Variants in WNK2 observed in about 807,000 individuals in gnomAD.
WNK2 encodes WNK lysine deficient protein kinase 2, also known as serine/threonine-protein kinase WNK2.
A neutral mutation model predicts 192.1 loss-of-function variants in WNK2; 67 were observed. The observed-to-expected ratio is 0.35, with a 90% confidence interval of 0.29 to 0.43. WNK2 has a LOEUF of 0.43. Ranked by LOEUF, WNK2 falls within the 20% of genes least tolerant of loss-of-function variation. The pLI, the probability that WNK2 is intolerant of heterozygous loss-of-function variation, is 1.00. For synonymous variants in WNK2, 1,439 were observed against 1,393.9 expected, an observed-to-expected ratio of 1.03 and a Z score of -0.72; for missense variants, 2,698 against 3,089.7, an observed-to-expected ratio of 0.87 and a Z score of 3.01.
intron 2 of WNK2, among the ~76,000 whole-genome samples, chr9:93,192,495 G>A (rs978919311): frequency 2.0e-5 from 3 of 151,966 alleles, no homozygotes; most frequent in Non-Finnish European, 4.4e-5. Flanking sequence ...GGTGGTCCTC[G>A]GGTGGAGTGG....
At chr9:93,194,957 G>C (rs1830973463) in intron 2 of WNK2, among the ~76,000 whole-genome samples, 1 of 151,890 alleles carries the variant, frequency 6.6e-6, no homozygotes, top group African/African-American at 2.4e-5. Context: ...AATCTGAGAA[G>C]GCTGCATATT....
chr9:93,276,384 T>C (rs1369904336), intron 19 of WNK2, among the ~76,000 whole-genome samples: 1 of 152,224 alleles, frequency 6.6e-6, no homozygotes, highest in Non-Finnish European at 1.5e-5. Context: ...GTCATCCTTA[T>C]GCAGAAAAAT....
intron 2 of WNK2, among the ~76,000 whole-genome samples, chr9:93,211,425 C>G (rs1369689087): frequency 6.7e-6 from 1 of 149,472 alleles, no homozygotes; most frequent in African/African-American, 2.5e-5. Flanking sequence ...ACCACTCATT[C>G]ACTCACCCAC....
intron 26 of WNK2, among the ~76,000 whole-genome samples, chr9:93,305,785 A>C (rs1040273302): frequency 2.0e-5 from 3 of 152,108 alleles, no homozygotes; most frequent in African/African-American, 7.2e-5. Flanking sequence ...TCCCGGGAAC[A>C]GCGCTGAGGA....
At chr9:93,269,681 C>T (rs548252598) in intron 19 of WNK2, among the ~76,000 whole-genome samples, 1 of 152,298 alleles carries the variant, frequency 6.6e-6, no homozygotes, top group Admixed American at 6.5e-5. Context: ...GAAAAACCCT[C>T]CTAAGAGCTA....
chr9:93,312,774 G>A (rs1406784988), intron 28 of WNK2, among the ~76,000 whole-genome samples: 2 of 152,120 alleles, frequency 1.3e-5, no homozygotes, highest in Non-Finnish European at 2.9e-5. Context: ...GCCCCCTTGT[G>A]GAGAGTCACT....
intron 8 of WNK2, among the ~76,000 whole-genome samples, chr9:93,252,559 T>C (rs1842734257): frequency 6.6e-6 from 1 of 152,222 alleles, no homozygotes; most frequent in Non-Finnish European, 1.5e-5. Flanking sequence ...CCAAGTCCCT[T>C]GTGCCTTTAA....
intron 2 of WNK2, among the ~76,000 whole-genome samples, chr9:93,211,765 G>A (rs115530465): frequency 0.017 from 2,529 of 148,094 alleles, 61 homozygotes; most frequent in African/African-American, 0.06. Context: ...TCACTCACTC[G>A]TCCACTTACT....
chr9:93,254,255 G>A (rs1296712324), intron 9 of WNK2, among the ~76,000 whole-genome samples: 1 of 152,204 alleles, frequency 6.6e-6, no homozygotes, highest in Admixed American at 6.5e-5. Flanking sequence ...CACCTACTGT[G>A]TGAGCCAGGA....
chr9:93,291,379 G>T (rs1430139289), intron 21 of WNK2, among the ~76,000 whole-genome samples: 1 of 152,164 alleles, frequency 6.6e-6, no homozygotes, highest in Non-Finnish European at 1.5e-5. Flanking sequence ...CATGGGGGAA[G>T]CTCCAAGGAG....
chr9:93,298,975 T>C (rs1344225252), intron 24 of WNK2, 95 bp from the exon 25 acceptor site: 7 of 1,336,670 alleles, frequency 5.2e-6, no homozygotes, highest in African/African-American at 1.5e-5. Context: ...TTCCCCAAGG[T>C]CACCCAGCAA....
chr9:93,247,056 T>C lies in WNK2; in HGVS notation c.1543-487T>C, dbSNP rs1003480642. Among the ~76,000 whole-genome samples the C allele has an allele frequency of 6.6e-6, 1 of 152,244 alleles. No individual in the cohort carries two copies. Among genetic ancestry groups the C allele is most frequent in the African/African-American group, 2.4e-5 (1 of 41,466 alleles). On this transcript the variant is annotated intron_variant, in intron 7 of 29. Transcript: ENST00000427277. The surrounding 1 kb of genome is among the most constrained non-coding windows in gnomAD (Gnocchi z 5.2). ...AATTTGCCAGGCATCAGTGCATACCTTACTGGTCCCTAATTACAAAACGCA... is the reference window on the plus strand; with the variant it reads ...AATTTGCCAGGCATCAGTGCATACCCTACTGGTCCCTAATTACAAAACGCA...
chr9:93,268,994 G>A (rs1245255437), intron 19 of WNK2: 1 of 1,511,104 alleles, frequency 6.6e-7, no homozygotes, highest in South Asian at 1.2e-5. Context: ...TGGCTCGCAT[G>A]GCCATATAGG....
chr9:93,214,463 C>T (rs1835339320), intron 2 of WNK2, among the ~76,000 whole-genome samples: 1 of 151,962 alleles, frequency 6.6e-6, no homozygotes, highest in African/African-American at 2.4e-5. Flanking sequence ...GCCACCATGC[C>T]TGGCTAATTT....
intron 28 of WNK2, among the ~76,000 whole-genome samples, chr9:93,310,146 C>T (rs574222369): frequency 1.1e-4 from 16 of 152,282 alleles, no homozygotes; most frequent in African/African-American, 3.4e-4. Context: ...TCCCAAGCTC[C>T]GCCACTGTGA....
chr9:93,214,613 C>T (rs1343810850), intron 2 of WNK2, among the ~76,000 whole-genome samples: 1 of 150,598 alleles, frequency 6.6e-6, no homozygotes, highest in Non-Finnish European at 1.5e-5. Context: ...CTCTTCATCA[C>T]TTTGAGATGT....
intron 2 of WNK2, among the ~76,000 whole-genome samples, chr9:93,190,437 A>T (rs1830131654): frequency 6.6e-6 from 1 of 152,224 alleles, no homozygotes; most frequent in Non-Finnish European, 1.5e-5. Flanking sequence ...GGACCAGGCC[A>T]CCATGGGACT....
Position 93,259,483 on chromosome 9 carries a change from G to GTGCTGCCCCAGCAACCCA in WNK2, c.2944_2945insAGCAACCCATGCTGCCCC (p.Pro981_Pro982insGlnGlnProMetLeuPro). The stretch of plus-strand genomic sequence containing the variant: ...GCAACCCACACGGCCCCCTCAACCT[G>GTGCTGCCCCAGCAACCCA]TGCTGCCCCCGCAACCCATGCTGCC... On this transcript the variant is annotated inframe_insertion, in exon 12 of 30. Coordinates refer to ENST00000427277, the MANE Select transcript of WNK2 (RefSeq NM_006648.4). This position sits in a 1 kb window ranked among gnomAD's most constrained non-coding sequence, Gnocchi z 4.8. The GTGCTGCCCCAGCAACCCA allele has an allele frequency of 6.9e-7, 1 of 1,444,428 alleles. No individual in the cohort carries two copies. The highest frequency in any genetic ancestry group is 9.1e-7 in the Non-Finnish European group (1 of 1,100,068). The allele number at this position is 1,444,428 out of a possible 1,614,324, so 89.5% of individuals were successfully genotyped here.
At position 93,259,712 on chromosome 9, in the gene WNK2, C is replaced by CCT; in HGVS notation, c.3066+98_3066+99insCT. ...GACAGAGGCAGGCAAGGAGGCAGCC[C>CCT]TGCCTGGGGTCGCCCCTCTCAGGAA... is the stretch of plus-strand genomic sequence containing the variant. On this transcript the variant is annotated intron_variant, in intron 12 of 29. Transcript: ENST00000427277. This position sits in a 1 kb window ranked among gnomAD's most constrained non-coding sequence, Gnocchi z 4.8. 1 of 1,210,694 alleles carries CCT rather than the reference C, an allele frequency of 8.3e-7. No individual in the cohort carries two copies. The highest frequency in any genetic ancestry group is 1.1e-6 in the Non-Finnish European group (1 of 894,216). The allele number at this position is 1,210,694 out of a possible 1,614,324, so 75.0% of individuals were successfully genotyped here. A position where few individuals can be genotyped will look rare whatever the true frequency, so the allele number is the denominator to read the frequency against.
Sources: gnomAD v4.1 joint callset for allele counts (sites outside exome capture counted in the v4.1 genomes callset) on GRCh38, gnomAD v4.1.1 for gene constraint, Gnocchi (gnomAD v3.1) non-coding constraint, MANE v1.5 for transcripts, NCBI Gene and HGNC (gene_info 2026-07-23, HGNC 2026-07-21) for gene names.